Variants in HS3ST3A1 observed in about 807,000 individuals in gnomAD.
HS3ST3A1 encodes heparan sulfate-glucosamine 3-sulfotransferase 3A1, also known as heparan sulfate glucosamine 3-O-sulfotransferase 3A1.
HS3ST3A1 carries 19 observed loss-of-function variants against 25.7 expected under a neutral mutation model. That is an observed-to-expected ratio of 0.74 (90% CI 0.52 to 1.08). The LOEUF is 1.08. HS3ST3A1 is among the 50% of genes least tolerant of loss of function. The pLI, the probability that HS3ST3A1 is intolerant of heterozygous loss-of-function variation, is 0.00. For missense variants in HS3ST3A1, 459 were observed against 594.3 expected, an observed-to-expected ratio of 0.77 and a Z score of 2.37; for synonymous variants, 226 against 278.6, an observed-to-expected ratio of 0.81 and a Z score of 1.88.
intron 1 of HS3ST3A1, among the ~76,000 whole-genome samples, chr17:13,510,282 T>G (rs1050706962): frequency 1.3e-5 from 2 of 152,174 alleles, no homozygotes; most frequent in Non-Finnish European, 2.9e-5. Context: ...GGCAGCTGCT[T>G]CGGAACAGAG....
chr17:13,521,776 A>G (rs1434306514), intron 1 of HS3ST3A1, among the ~76,000 whole-genome samples: 2 of 152,142 alleles, frequency 1.3e-5, no homozygotes, highest in African/African-American at 4.8e-5. Flanking sequence ...CTTCTTGGTA[A>G]CCCTAGGATT....
In HS3ST3A1 at chr17:13,546,495, G is replaced by A. The variant is rs138547227; in HGVS notation, c.600-49677C>T. Among the ~76,000 whole-genome samples the A allele has an allele frequency of 4.5e-3, 688 of 152,160 alleles. 7 individuals are homozygous for A. Among genetic ancestry groups the A allele is most frequent in the Middle Eastern group, 0.017 (5 of 294 alleles). ...GTTGGCCAAGATGGTCTTGATCTCC[G>A]GACCTCGTGATCTACCCGCCTCGGC... On this transcript the variant is annotated intron_variant, in intron 1 of 1. Coordinates refer to ENST00000284110, the MANE Select transcript of HS3ST3A1 (RefSeq NM_006042.3).
At chr17:13,498,124 C>T (rs1472185151) in intron 1 of HS3ST3A1, among the ~76,000 whole-genome samples, 3 of 152,158 alleles carry the variant, frequency 2.0e-5, no homozygotes, top group Admixed American at 2.0e-4. Flanking sequence ...TCTGCTGCCC[C>T]AGCAGGCCAG....
intron 1 of HS3ST3A1, among the ~76,000 whole-genome samples, chr17:13,561,009 A>G (rs1907532338): frequency 6.6e-6 from 1 of 152,166 alleles, no homozygotes; most frequent in Admixed American, 6.5e-5. Context: ...CATTGCTTCC[A>G]TCTCCCTCAT....
At chr17:13,506,143 T>G (rs551049206) in intron 1 of HS3ST3A1, among the ~76,000 whole-genome samples, 5 of 151,788 alleles carry the variant, frequency 3.3e-5, no homozygotes, top group Admixed American at 6.6e-5. Flanking sequence ...CAAAATAGTA[T>G]TAGTTTTATT....
Position 13,600,584 on chromosome 17 carries a change from G to T in HS3ST3A1, c.546C>A (p.Gly182=), listed in dbSNP as rs749935123. The T allele has an allele frequency of 1.9e-6, 3 of 1,601,048 alleles. No individual in the cohort carries two copies. The African/African-American group carries it at 4.0e-5, about 21-fold the overall frequency. Reference sequence around the variant, plus strand: ...TGCGGTCGAAGAAGTGGGGCTCGGCGCCCACGGCGCGCACGTCGGGGTGCA... The same window carrying T: ...TGCGGTCGAAGAAGTGGGGCTCGGCTCCCACGGCGCGCACGTCGGGGTGCA... ...LRVHPDVRAV[G]AEPHFFDRSY... is the part of the protein sequence containing the mutation. The change falls in exon 1 of 2, where the codon GGC becomes GGA. Residue 182 remains glycine, a synonymous_variant. Transcript: ENST00000284110.
At chr17:13,578,422 G>T (rs961097379) in intron 1 of HS3ST3A1, among the ~76,000 whole-genome samples, 8 of 151,192 alleles carry the variant, frequency 5.3e-5, no homozygotes, top group Non-Finnish European at 8.8e-5. Context: ...AATTAGCTGG[G>T]CTTGGTGGTG....
chr17:13,511,833 T>C (rs1010883500), intron 1 of HS3ST3A1, among the ~76,000 whole-genome samples: 6 of 152,104 alleles, frequency 3.9e-5, no homozygotes, highest in Non-Finnish European at 7.3e-5. Flanking sequence ...TTATATTTAT[T>C]AATTAGAATC....
chr17:13,530,394 A>C (rs1420069216), intron 1 of HS3ST3A1, among the ~76,000 whole-genome samples: 1 of 152,002 alleles, frequency 6.6e-6, no homozygotes, highest in Non-Finnish European at 1.5e-5. Flanking sequence ...GACAAACGCC[A>C]AGCAAGGTGG....
At chr17:13,502,007 C>T (rs1337688850) in intron 1 of HS3ST3A1, among the ~76,000 whole-genome samples, 2 of 152,142 alleles carry the variant, frequency 1.3e-5, no homozygotes, top group Non-Finnish European at 2.9e-5. Context: ...CATTTCCTTC[C>T]ATGGCATGGG....
chr17:13,540,435 A>C (rs887950421), intron 1 of HS3ST3A1, among the ~76,000 whole-genome samples: 1 of 152,190 alleles, frequency 6.6e-6, no homozygotes. Context: ...ATTTGATATC[A>C]ATTTCTAGGG....
At chr17:13,529,631 A>C (rs1906540167) in intron 1 of HS3ST3A1, among the ~76,000 whole-genome samples, 1 of 152,214 alleles carries the variant, frequency 6.6e-6, no homozygotes, top group Non-Finnish European at 1.5e-5. Flanking sequence ...TAAAAAATCC[A>C]TTTATGTTTG....
At chr17:13,570,614 A>T (rs1053271459) in intron 1 of HS3ST3A1, among the ~76,000 whole-genome samples, 8 of 152,248 alleles carry the variant, frequency 5.3e-5, no homozygotes, top group South Asian at 4.1e-4. Context: ...ATTAGCTGGG[A>T]TACAGGTGCA....
In HS3ST3A1 at chr17:13,495,156, A is replaced by T. The variant is rs115715594; in HGVS notation, c.*1041T>A. ...TGAAATCTGTTTCTTTTTTTTTTTTAAAGTCAATTAAATCAACAAATGGGT... is the reference window on the plus strand; with the variant it reads ...TGAAATCTGTTTCTTTTTTTTTTTTTAAGTCAATTAAATCAACAAATGGGT... On this transcript the variant is annotated 3_prime_UTR_variant, in exon 2 of 2. Transcript: ENST00000284110. 8.1e-3 allele frequency among the ~76,000 whole-genome samples: 1,217 copies of T among 151,016 alleles called. 8 individuals carry two copies. Among genetic ancestry groups the T allele is most frequent in the African/African-American group, 0.021 (881 of 41,220 alleles).
At chr17:13,581,930 T>C (rs1011884545) in intron 1 of HS3ST3A1, among the ~76,000 whole-genome samples, 1 of 152,240 alleles carries the variant, frequency 6.6e-6, no homozygotes, top group African/African-American at 2.4e-5. Context: ...TGGGCATTTC[T>C]GTGCCAATAG....
intron 1 of HS3ST3A1, among the ~76,000 whole-genome samples, chr17:13,501,075 G>A (rs930115709): frequency 5.9e-5 from 9 of 152,176 alleles, no homozygotes; most frequent in African/African-American, 2.2e-4. Context: ...CATTGAGACA[G>A]CAAGTAGAAT....
chr17:13,556,487 G>A (rs927922535), intron 1 of HS3ST3A1, among the ~76,000 whole-genome samples: 2 of 130,806 alleles, frequency 1.5e-5, no homozygotes, highest in Admixed American at 7.5e-5. Context: ...CAGCCTAGGC[G>A]ACAGAGCGAG....
rs1905218119 is a variant in HS3ST3A1, at chr17:13,494,473, G to A, written c.*1724C>T. ...TTACATCACCTAATGCAGCAGCTAT[G>A]GTAAATGTACAATTGTACTGCATAT... On this transcript the variant is annotated 3_prime_UTR_variant, in exon 2 of 2. Coordinates refer to ENST00000284110, the MANE Select transcript of HS3ST3A1 (RefSeq NM_006042.3). Among the ~76,000 whole-genome samples, 2 of 152,134 alleles carry A rather than the reference G, an allele frequency of 1.3e-5. No homozygotes were observed. The highest frequency in any genetic ancestry group is 4.1e-4 in the South Asian group (2 of 4,836).
intron 1 of HS3ST3A1, among the ~76,000 whole-genome samples, chr17:13,587,193 C>T (rs1250325498): frequency 2.6e-5 from 4 of 151,894 alleles, no homozygotes; most frequent in South Asian, 2.1e-4. Flanking sequence ...CGGTGGTTCA[C>T]GCCTGTAATC....
Sources: allele counts gnomAD v4.1 joint callset (sites outside exome capture counted in the v4.1 genomes callset), GRCh38; gene constraint gnomAD v4.1.1; transcripts MANE v1.5; gene names NCBI Gene and HGNC (gene_info 2026-07-23, HGNC 2026-07-21).